RHOT1: variants seen among roughly 807,000 people sequenced by gnomAD.
RHOT1 encodes ras homolog family member T1, also known as mitochondrial Rho GTPase 1.
Under a neutral mutation model 95.3 loss-of-function variants are expected in RHOT1, and 27 were observed. That is an observed-to-expected ratio of 0.28 (90% CI 0.21 to 0.39). The LOEUF (loss-of-function observed/expected upper bound fraction) is 0.39. RHOT1 is among the 10% of genes least tolerant of loss of function. RHOT1 has a pLI of 1.00. For synonymous variants in RHOT1, 227 were observed against 263.5 expected (o/e 0.86, Z 1.34); for missense variants, 578 against 786.7 (o/e 0.73, Z 3.17).
intron 1 of RHOT1, among the ~76,000 whole-genome samples, chr17:32,148,986 A>G (rs1053690612): frequency 1.3e-5 from 2 of 152,232 alleles, no homozygotes; most frequent in South Asian, 2.1e-4. Flanking sequence ...GCTTAGAAGC[A>G]TGGAGTCTCA....
intron 1 of RHOT1, among the ~76,000 whole-genome samples, chr17:32,166,776 C>T (rs1304942295): frequency 6.6e-6 from 1 of 152,228 alleles, no homozygotes; most frequent in African/African-American, 2.4e-5. Context: ...CTAATTCTAG[C>T]TCTTTTCTTG....
chr17:32,150,798 A>G, intron 1 of RHOT1: 1 of 1,558,492 alleles, frequency 6.4e-7, no homozygotes, highest in Admixed American at 1.8e-5. Flanking sequence ...CAGTGAAGGT[A>G]GAGTTCCATG....
chr17:32,142,834 C>T (rs1370503607), intron 1 of RHOT1, 105 bp downstream of exon 1: 8 of 947,528 alleles, frequency 8.4e-6, no homozygotes, highest in Non-Finnish European at 1.1e-5. Context: ...CAGCCCCGGC[C>T]CTTCTCGCGC....
intron 14 of RHOT1, among the ~76,000 whole-genome samples, chr17:32,201,774 G>A (rs1231883486): frequency 6.6e-6 from 1 of 152,048 alleles, no homozygotes; most frequent in Non-Finnish European, 1.5e-5. Flanking sequence ...CAATATGGAT[G>A]TTCTATAACT....
At chr17:32,184,657 A>T (rs1396399539) in intron 8 of RHOT1, among the ~76,000 whole-genome samples, 1 of 150,926 alleles carries the variant, frequency 6.6e-6, no homozygotes, top group Non-Finnish European at 1.5e-5. Context: ...TGCCCAGCTG[A>T]TTTTTTTTAC....
In RHOT1 at chr17:32,142,861, C is replaced by T. The variant is rs2030582935; in HGVS notation, c.37+132C>T. 3.6e-6 allele frequency: 3 copies of T among 842,570 alleles called. 1 individual carries two copies. Among genetic ancestry groups the T allele is most frequent in the African/African-American group, 1.7e-5 (1 of 59,080 alleles). The allele number at this position is 842,570 out of a possible 1,614,324, so 52.2% of individuals were successfully genotyped here. Reference sequence around the variant, plus strand: ...TTCTCGCGCCTCACAGCTCCGCTCGCCTTTCTCCGCGTTCCTAGGCCTTCC... The same window carrying T: ...TTCTCGCGCCTCACAGCTCCGCTCGTCTTTCTCCGCGTTCCTAGGCCTTCC... On this transcript the variant is annotated intron_variant, in intron 1 of 19. Coordinates refer to ENST00000545287, the MANE Select transcript of RHOT1 (RefSeq NM_001033566.3).
At chr17:32,202,489 T>TA (rs2037398485) in intron 14 of RHOT1, among the ~76,000 whole-genome samples, 1 of 152,216 alleles carries the variant, frequency 6.6e-6, no homozygotes, top group Non-Finnish European at 1.5e-5. Context: ...ATTTTCCTTA[T>TA]GAAAATATAC....
At chr17:32,185,743 CAA>C (rs2035999046) in intron 8 of RHOT1, among the ~76,000 whole-genome samples, 1 of 129,612 alleles carries the variant, frequency 7.7e-6, no homozygotes, top group South Asian at 2.6e-4. Flanking sequence ...AATTTAGAGA[CAA>C]GATCTTACTT....
chr17:32,187,348 C>T (rs1038710459), intron 8 of RHOT1, among the ~76,000 whole-genome samples: 12 of 151,982 alleles, frequency 7.9e-5, no homozygotes, highest in African/African-American at 2.7e-4. Context: ...GAACTCCTGG[C>T]CTCCTCCTGC....
intron 8 of RHOT1, among the ~76,000 whole-genome samples, chr17:32,186,191 T>A: frequency 6.6e-6 from 1 of 152,100 alleles, no homozygotes; most frequent in East Asian, 1.9e-4. Context: ...TTGCCACACT[T>A]GTTATTTTAC....
rs551064425 is a variant in RHOT1 at position 32,142,658 on chromosome 17, G to C, written c.-35G>C. On this transcript the variant is annotated 5_prime_UTR_variant, in exon 1 of 20. Transcript: ENST00000545287. ...CTGGTGAGAGGAGTCCACTCCGTGC[G>C]TGCGGGCGGAGGCCGGCCCCCGAGA... 6.6e-7 allele frequency: 1 copy of C among 1,518,590 alleles called. No homozygotes were observed. Among genetic ancestry groups the C allele is most frequent in the East Asian group, 2.5e-5 (1 of 39,966 alleles). The allele number at this position is 1,518,590 out of a possible 1,614,324, so 94.1% of individuals were successfully genotyped here. A position where few individuals can be genotyped will look rare whatever the true frequency, so the allele number is the denominator to read the frequency against.
rs1055411125 is a variant in RHOT1 at position 32,225,570 on chromosome 17, G to A, written c.*837G>A. 6.6e-6 allele frequency: 1 copy of A among 152,530 alleles called. No homozygotes were observed. Among genetic ancestry groups the A allele is most frequent in the Admixed American group, 6.6e-5 (1 of 15,266 alleles). 9.4% of individuals were successfully genotyped at this position (152,530 alleles called of 1,614,324 possible). ...TTATAGTATATTACAGTAACTGCAT[G>A]TGTCACCAAGTGTTCTATATCAGGC... On this transcript the variant is annotated 3_prime_UTR_variant, in exon 20 of 20. Transcript: ENST00000545287.
intron 16 of RHOT1, among the ~76,000 whole-genome samples, chr17:32,204,762 T>C (rs1426876970): frequency 6.6e-6 from 1 of 151,784 alleles, no homozygotes; most frequent in Non-Finnish European, 1.5e-5. Flanking sequence ...CTGAGTCAGG[T>C]GGATCACCTG....
intron 1 of RHOT1, among the ~76,000 whole-genome samples, chr17:32,154,571 A>G (rs2142396250): frequency 7.2e-6 from 1 of 138,402 alleles, no homozygotes; most frequent in Non-Finnish European, 1.5e-5. Context: ...TGGGCGACAG[A>G]GCAAGGCTCC....
rs541099139 is a variant in RHOT1 at position 32,176,027 on chromosome 17, C to T, written c.276+12C>T. ...ATTCTATTGATAAGGTAGGTGTGATCTTTTTTTCCCTATAGTTGGTTTCAG... is the reference window on the plus strand; with the variant it reads ...ATTCTATTGATAAGGTAGGTGTGATTTTTTTTTCCCTATAGTTGGTTTCAG... On this transcript the variant is annotated intron_variant, in intron 5 of 19. Transcript: ENST00000545287. 1.9e-5 allele frequency: 31 copies of T among 1,603,706 alleles called. No individual in the cohort carries two copies. In the African/African-American group the frequency reaches 3.6e-4, roughly 19 times the overall value.
chr17:32,142,772 CCTGCCCCTG>C, intron 1 of RHOT1, 43 bp downstream of exon 1: 7 of 1,469,600 alleles, frequency 4.8e-6, no homozygotes, highest in Non-Finnish European at 5.4e-6. Context: ...CCCTGCCCTC[CCTGCCCCTG>C]CAGCCCCTGT....
intron 1 of RHOT1, among the ~76,000 whole-genome samples, chr17:32,153,705 A>AAGATATCCTGGAAATATCCTGG (rs1269957400): frequency 6.6e-6 from 1 of 152,196 alleles, no homozygotes; most frequent in East Asian, 1.9e-4. Flanking sequence ...TAGAAATGGA[A>AAGATATCCTGGAAATATCCTGG]AAGTTCCTGG....
At chr17:32,142,885 C>T in intron 1 of RHOT1, 156 bp downstream of exon 1, 1 of 769,414 alleles carries the variant, frequency 1.3e-6, no homozygotes. Flanking sequence ...CCTAGGCCTT[C>T]CAGCCCCTTC....
intron 6 of RHOT1, among the ~76,000 whole-genome samples, chr17:32,182,073 C>T (rs1304418227): frequency 2.6e-5 from 4 of 152,148 alleles, no homozygotes; most frequent in African/African-American, 9.7e-5. Context: ...GGGAGTTTTC[C>T]TTAATTACTA....
Sources: allele counts gnomAD v4.1 joint callset (sites outside exome capture counted in the v4.1 genomes callset), GRCh38; gene constraint gnomAD v4.1.1; transcripts MANE v1.5; gene names NCBI Gene and HGNC (gene_info 2026-07-23, HGNC 2026-07-21).